CCDC12: variants seen among roughly 807,000 people sequenced by gnomAD.
CCDC12 encodes coiled-coil domain-containing protein 12.
In CCDC12, 28 loss-of-function variants were observed where a neutral mutation model predicts 25.7. The observed-to-expected ratio is 1.09, with a 90% CI of 0.81 to 1.50. CCDC12 has a LOEUF of 1.50. Among genes scored for constraint, CCDC12 ranks in the 40% most tolerant of loss-of-function variants. CCDC12 has a pLI of 0.00. For missense variants in CCDC12, 198 were observed against 210.0 expected, an observed-to-expected ratio of 0.94 and a Z score of 0.35; for synonymous variants, 75 against 87.7, an observed-to-expected ratio of 0.86 and a Z score of 0.81.
At chr3:46,952,923 T>C (rs977051896) in intron 1 of CCDC12, among the ~76,000 whole-genome samples, 4 of 152,192 alleles carry the variant, frequency 2.6e-5, no homozygotes, top group African/African-American at 9.6e-5. Flanking sequence ...GCTTCAAGCA[T>C]AGGCTGATTC....
At chr3:46,955,155 C>T (rs752929841) in intron 1 of CCDC12, among the ~76,000 whole-genome samples, 7 of 152,198 alleles carry the variant, frequency 4.6e-5, no homozygotes, top group Non-Finnish European at 8.8e-5. Context: ...TTGCTGTTAG[C>T]ATCGCCACAG....
chr3:46,959,008 C>A (rs1196067682), intron 1 of CCDC12, among the ~76,000 whole-genome samples: 1 of 152,098 alleles, frequency 6.6e-6, no homozygotes, highest in Non-Finnish European at 1.5e-5. Flanking sequence ...GCTATTTTAA[C>A]CTCTGGTCAG....
intron 1 of CCDC12, among the ~76,000 whole-genome samples, chr3:46,959,381 T>C (rs554270465): frequency 6.6e-6 from 1 of 152,346 alleles, no homozygotes; most frequent in African/African-American, 2.4e-5. Flanking sequence ...AGGGTACGCA[T>C]GTGAGTGACA....
At chr3:46,933,360 G>C (rs896466027) in intron 2 of CCDC12, among the ~76,000 whole-genome samples, 10 of 152,220 alleles carry the variant, frequency 6.6e-5, no homozygotes, top group African/African-American at 2.2e-4. Flanking sequence ...AGCCAGAGCT[G>C]GCTGGGGATG....
chr3:46,923,319 C>T lies in CCDC12; in HGVS notation c.341+10G>A. 1 of 1,484,612 alleles carries T rather than the reference C, an allele frequency of 6.7e-7. No individual in the cohort carries two copies. Among genetic ancestry groups the T allele is most frequent in the Middle Eastern group, 2.4e-4 (1 of 4,082 alleles). 92.0% of individuals were successfully genotyped at this position (1,484,612 alleles called of 1,614,324 possible). A position where few individuals can be genotyped will look rare whatever the true frequency, so the allele number is the denominator to read the frequency against. ...TCAGCCTGCACCCGCCACGCACGGG[C>T]AACACTCACCAGTCAGGCTTCCGAG... is the stretch of plus-strand genomic sequence containing the variant. On this transcript the variant is annotated intron_variant, in intron 5 of 6. Coordinates refer to ENST00000683445, the MANE Select transcript of CCDC12 (RefSeq NM_001277074.2).
chr3:46,973,428 G>A (rs912072432), intron 1 of CCDC12, among the ~76,000 whole-genome samples: 1 of 149,610 alleles, frequency 6.7e-6, no homozygotes, highest in African/African-American at 2.5e-5. Flanking sequence ...CCAGGAGGCG[G>A]AGGCTGCAGT....
At chr3:46,950,437 G>A (rs1249578348) in intron 1 of CCDC12, among the ~76,000 whole-genome samples, 1 of 151,444 alleles carries the variant, frequency 6.6e-6, no homozygotes, top group Non-Finnish European at 1.5e-5. Context: ...TCAGCCTCCT[G>A]CATAGGAGTA....
upstream of CCDC12, among the ~76,000 whole-genome samples, chr3:46,981,138 C>T (rs748838542): frequency 6.6e-6 from 1 of 152,192 alleles, no homozygotes; most frequent in Admixed American, 6.5e-5. Flanking sequence ...CCTCTGCTTC[C>T]TGCCTGTAAA....
chr3:46,949,645 G>GC (rs1439652364), intron 1 of CCDC12, among the ~76,000 whole-genome samples: 1 of 152,198 alleles, frequency 6.6e-6, no homozygotes, highest in African/African-American at 2.4e-5. Flanking sequence ...AGTGGGGCTG[G>GC]CACTACTTTA....
intron 2 of CCDC12, among the ~76,000 whole-genome samples, chr3:46,934,400 C>T (rs1389006562): frequency 2.0e-5 from 3 of 152,240 alleles, no homozygotes; most frequent in Admixed American, 2.0e-4. Flanking sequence ...GCCAGCTCCA[C>T]TCCCTTTCAA....
In CCDC12 at chr3:46,922,331, G is replaced by T; in HGVS notation, c.342-19C>A. On this transcript the variant is annotated intron_variant, in intron 5 of 6. Coordinates refer to ENST00000683445, the MANE Select transcript of CCDC12 (RefSeq NM_001277074.2). ...GAGGTCCCTGGAGCAGGGAGGCAGG[G>T]AGAAGCAGGAAGGTGAAGGCTGGCC... 1 of 1,614,164 alleles carries T rather than the reference G, an allele frequency of 6.2e-7. No homozygotes were observed. The highest frequency in any genetic ancestry group is 8.5e-7 in the Non-Finnish European group (1 of 1,179,984).
At position 46,923,627 on chromosome 3, in the gene CCDC12, C is replaced by T. The variant is rs566710688; in HGVS notation, c.286G>A (p.Glu96Lys). The T allele has an allele frequency of 1.5e-5, 24 of 1,589,294 alleles. No homozygotes were observed. In the East Asian group the frequency reaches 2.0e-4, roughly 14 times the overall value. The change falls in exon 4 of 7, where the codon GAG becomes AAG. Residue 96 changes from glutamate to lysine, a missense_variant. Transcript: ENST00000683445. ...VKEQLEAAKP[E>K]PVIEEVDLAN... ...CTCACCACCTCCTCGATGACGGGCTCGGGCTTGGCGGCCTCCAGCTGCTCC... is the reference window on the plus strand; with the variant it reads ...CTCACCACCTCCTCGATGACGGGCTTGGGCTTGGCGGCCTCCAGCTGCTCC...
rs1450292674 is a variant in CCDC12 at position 46,976,647 on chromosome 3, G to A, written c.86C>T (p.Thr29Ile). The A allele has an allele frequency of 1.9e-6, 3 of 1,610,906 alleles. No homozygotes were observed. Among genetic ancestry groups the A allele is most frequent in the Admixed American group, 3.3e-5 (2 of 59,784 alleles). Residue 29 changes from threonine (T) to isoleucine (I), a missense_variant, in exon 1 of 7, where the codon ACC becomes ATC. Physicochemically the swap from Thr to Ile is moderately conservative, Grantham distance 89. Coordinates refer to ENST00000683445, the MANE Select transcript of CCDC12 (RefSeq NM_001277074.2). ...KERLKALREK[T>I]GRKDKEDGEP... ...CTCCACACTTCTCACCTTGCGCCCG[G>A]TTTTCTCCCGTAGGGCCTTCAGCCG...
At chr3:46,980,886 C>T (rs892475484), upstream of CCDC12, among the ~76,000 whole-genome samples, 1 of 152,220 alleles carries the variant, frequency 6.6e-6, no homozygotes, top group African/African-American at 2.4e-5. Flanking sequence ...TCAGGTGTGC[C>T]CTGGGCACAA....
At chr3:46,940,825 A>C (rs1034711299) in intron 2 of CCDC12, 173 bp downstream of exon 2, 1 of 650,886 alleles carries the variant, frequency 1.5e-6, no homozygotes, top group African/African-American at 1.8e-5. Context: ...GAAGGCCTCG[A>C]CAAGGGCCTT....
intron 1 of CCDC12, among the ~76,000 whole-genome samples, chr3:46,942,885 G>C (rs1181575467): frequency 6.6e-6 from 1 of 152,174 alleles, no homozygotes. Flanking sequence ...GAGAGAAGTG[G>C]GAAGGGCATT....
chr3:46,947,148 A>G (rs753239426), intron 1 of CCDC12, among the ~76,000 whole-genome samples: 5 of 152,206 alleles, frequency 3.3e-5, no homozygotes, highest in African/African-American at 1.2e-4. Context: ...CAAAAGTTAA[A>G]GAGAAAATAA....
chr3:46,971,763 C>A (rs528112359), intron 1 of CCDC12, among the ~76,000 whole-genome samples: 1 of 152,192 alleles, frequency 6.6e-6, no homozygotes, highest in East Asian at 1.9e-4. Context: ...GGACCTGCCA[C>A]TGAGTGCTAG....
At chr3:46,963,574 G>A in intron 1 of CCDC12, among the ~76,000 whole-genome samples, 1 of 152,176 alleles carries the variant, frequency 6.6e-6, no homozygotes, top group Non-Finnish European at 1.5e-5. Context: ...TCCTGCCTCA[G>A]CCTGCCGAGT....
Sources: gnomAD v4.1 joint callset for allele counts (sites outside exome capture counted in the v4.1 genomes callset) on GRCh38, gnomAD v4.1.1 for gene constraint, MANE v1.5 for transcripts, NCBI Gene and HGNC (gene_info 2026-07-23, HGNC 2026-07-21) for gene names.